Variants in TJP3 observed in about 807,000 individuals in gnomAD.
TJP3 encodes the protein tight junction protein 3.
TJP3 carries 85 observed loss-of-function variants against 104.2 expected under a neutral mutation model. The observed-to-expected ratio is 0.82, with a 90% confidence interval of 0.68 to 0.98. TJP3 has a LOEUF of 0.98. Ranked by LOEUF, TJP3 falls within the 50% of genes least tolerant of loss-of-function variation. The probability of loss-of-function intolerance (pLI) is 0.00; values close to 1 mark genes in which losing one functional copy is unlikely to be tolerated. For synonymous variants in TJP3, 550 were observed against 550.6 expected (o/e 1.00, Z 0.02); for missense variants, 1,367 against 1,322.8 (o/e 1.03, Z -0.52).
intron 14 of TJP3, among the ~76,000 whole-genome samples, chr19:3,742,550 A>G (rs2036835994): frequency 6.8e-6 from 1 of 148,004 alleles, no homozygotes; most frequent in South Asian, 2.2e-4. Context: ...GGGTGGGAAG[A>G]GCAAATTGCC....
At chr19:3,741,970 C>CA (rs1310970815) in intron 14 of TJP3, among the ~76,000 whole-genome samples, 3 of 149,950 alleles carry the variant, frequency 2.0e-5, no homozygotes, top group Admixed American at 6.7e-5. Flanking sequence ...AACTCCGTCT[C>CA]AAAAAAAACA....
chr19:3,736,827 C>T (rs983773320), intron 11 of TJP3, among the ~76,000 whole-genome samples: 14 of 149,986 alleles, frequency 9.3e-5, no homozygotes, highest in Admixed American at 4.7e-4. Context: ...CCACCTGCCT[C>T]GGCTTCCCAA....
At chr19:3,721,527 C>T (rs1053724990) in intron 1 of TJP3, 1 of 180,956 alleles carries the variant, frequency 5.5e-6, no homozygotes, top group African/African-American at 2.4e-5. Context: ...TTATTCCTGC[C>T]GGGTCTTGCT....
rs531414729 is a variant in TJP3, at chr19:3,740,485, C to T, written c.1632-67C>T. On this transcript the variant is annotated intron_variant, in intron 13 of 20. Transcript: ENST00000541714. ...TGTCCACAGGCTCCGAGGGGTAGGA[C>T]GAGGACGTCTTTGGGGCCACCATGC... 46 of 1,102,726 alleles carry T rather than the reference C, an allele frequency of 4.2e-5. No individual in the cohort carries two copies. The African/African-American group carries it at 5.0e-4, about 12-fold the overall frequency. 68.3% of individuals were successfully genotyped at this position (1,102,726 alleles called of 1,614,324 possible). A position where few individuals can be genotyped will look rare whatever the true frequency, so the allele number is the denominator to read the frequency against.
At chr19:3,740,243 A>C (rs890569501) in intron 13 of TJP3, among the ~76,000 whole-genome samples, 5 of 151,920 alleles carry the variant, frequency 3.3e-5, no homozygotes, top group African/African-American at 4.8e-5. Context: ...AAAAGTAAAT[A>C]AATAAATAAT....
chr19:3,750,500 C>CT lies in TJP3; in HGVS notation c.2658-81dup. The CT allele has an allele frequency of 1.0e-5, 13 of 1,247,076 alleles. No homozygotes were observed. In the South Asian group the frequency reaches 1.7e-4, roughly 17 times the overall value. The allele number at this position is 1,247,076 out of a possible 1,614,324, so 77.3% of individuals were successfully genotyped here. A position where few individuals can be genotyped will look rare whatever the true frequency, so the allele number is the denominator to read the frequency against. ...TTATCTCTGCCCACACCCACTGTGC[C>CT]TAGCACAGCCAGCCTCAGTTTATGG... On this transcript the variant is annotated intron_variant, in intron 20 of 20. Coordinates refer to ENST00000541714, the MANE Select transcript of TJP3 (RefSeq NM_001267560.2).
intron 6 of TJP3, among the ~76,000 whole-genome samples, chr19:3,732,299 A>C (rs994963885): frequency 1.3e-5 from 2 of 152,096 alleles, no homozygotes; most frequent in African/African-American, 4.8e-5. Flanking sequence ...TTTGATGTGC[A>C]TCAGAGACTC....
rs2036727570 is a variant in TJP3 at position 3,735,566 on chromosome 19, G to A, written c.987G>A (p.Val329=). ...SPEASQTDSP[V]ESPRLRRESS... ...TCACTCCCAATCTGTTCCCCACCAG[G>A]GAGAGTCCCCGGCTTCGGCGGGAAA... Residue 329 remains valine, a splice_region_variant and synonymous_variant, in exon 9 of 21, where the codon GTG becomes GTA. Coordinates refer to ENST00000541714, the MANE Select transcript of TJP3 (RefSeq NM_001267560.2). 6.2e-7 allele frequency: 1 copy of A among 1,614,176 alleles called. No homozygotes were observed. Among genetic ancestry groups the A allele is most frequent in the Admixed American group, 1.7e-5 (1 of 60,008 alleles).
In TJP3 at chr19:3,733,923, A is replaced by G. The variant is rs2036704094; in HGVS notation, c.877+11A>G. On this transcript the variant is annotated intron_variant, in intron 7 of 20. Coordinates refer to ENST00000541714, the MANE Select transcript of TJP3 (RefSeq NM_001267560.2). The stretch of plus-strand genomic sequence containing the variant: ...GCTCGCCATTGGAGGGTGAGGACCT[A>G]GAGGTTAGGACCTGGGAGGGGGTTG... 2 of 1,612,974 alleles carry G rather than the reference A, an allele frequency of 1.2e-6. No homozygotes were observed. The highest frequency in any genetic ancestry group is 1.7e-6 in the Non-Finnish European group (2 of 1,179,436).
intron 14 of TJP3, chr19:3,743,729 C>G (rs1200145252): frequency 9.3e-6 from 5 of 535,002 alleles, no homozygotes; most frequent in Non-Finnish European, 1.7e-5. Flanking sequence ...ATGTACACAT[C>G]AATTCTGCTA....
chr19:3,722,929 C>G (rs1190395956), intron 1 of TJP3, among the ~76,000 whole-genome samples: 5 of 131,800 alleles, frequency 3.8e-5, no homozygotes, highest in African/African-American at 1.4e-4. Flanking sequence ...GTACCGGCCC[C>G]GTCCCCTCTG....
intron 3 of TJP3, among the ~76,000 whole-genome samples, chr19:3,729,567 G>T (rs2036641719): frequency 6.6e-6 from 1 of 151,990 alleles, no homozygotes; most frequent in Non-Finnish European, 1.5e-5. Flanking sequence ...GATTACCTGA[G>T]GTCAGGAGTT....
intron 1 of TJP3, among the ~76,000 whole-genome samples, chr19:3,709,830 G>A (rs979054149): frequency 6.6e-6 from 1 of 152,004 alleles, no homozygotes; most frequent in Non-Finnish European, 1.5e-5. Context: ...CTTCTCTCCG[G>A]GCCTCTGTTT....
chr19:3,741,537 G>C (rs1266304880), intron 14 of TJP3, among the ~76,000 whole-genome samples: 1 of 145,570 alleles, frequency 6.9e-6, no homozygotes, highest in Non-Finnish European at 1.5e-5. Flanking sequence ...TGAGGCAGGA[G>C]AATCACTTGA....
intron 3 of TJP3, among the ~76,000 whole-genome samples, chr19:3,729,338 T>TCAGCC (rs1268621026): frequency 6.6e-6 from 1 of 152,068 alleles, no homozygotes; most frequent in African/African-American, 2.4e-5. Flanking sequence ...GTGATATGGC[T>TCAGCC]CAGCCCAGCC....
rs1395963485 is a variant in TJP3, at chr19:3,711,150, C to G, written c.-10+2589C>G. Among the ~76,000 whole-genome samples the G allele has an allele frequency of 3.1e-5, 2 of 64,722 alleles. 1 individual carries two copies. Among genetic ancestry groups the G allele is most frequent in the Non-Finnish European group, 6.1e-5 (2 of 32,654 alleles). The allele number at this position is 64,722 out of a possible 152,430, so 42.5% of individuals were successfully genotyped here. A position where few individuals can be genotyped will look rare whatever the true frequency, so the allele number is the denominator to read the frequency against. ...TCCTGACCTTGTGATCCGCCCACCT[C>G]AGCCTCCCAAAGTGCTGGGATTACA... On this transcript the variant is annotated intron_variant, in intron 1 of 20. Coordinates refer to ENST00000541714, the MANE Select transcript of TJP3 (RefSeq NM_001267560.2).
chr19:3,726,465 G>A (rs1449797744), intron 1 of TJP3, among the ~76,000 whole-genome samples: 1 of 152,170 alleles, frequency 6.6e-6, no homozygotes. Context: ...TGGGCATGGT[G>A]GTAGACACCT....
intron 14 of TJP3, chr19:3,743,707 C>T (rs767100379): frequency 8.7e-5 from 40 of 457,326 alleles, no homozygotes; most frequent in Non-Finnish European, 1.4e-4. Context: ...CCCTTGAAGG[C>T]GGAACCCAGA....
In TJP3 at chr19:3,735,842, G is replaced by A. The variant is rs2036731276; in HGVS notation, c.1061-27G>A. On this transcript the variant is annotated intron_variant, in intron 9 of 20. Transcript: ENST00000541714. Reference sequence around the variant, plus strand: ...AGGCTGGACTGAGCCAGTGTGCTTGGGAAAGAGACTGGCTTTTCCCTTTCA... The same window carrying A: ...AGGCTGGACTGAGCCAGTGTGCTTGAGAAAGAGACTGGCTTTTCCCTTTCA... 8.1e-6 allele frequency: 13 copies of A among 1,613,672 alleles called. No individual in the cohort carries two copies. In the East Asian group the frequency reaches 2.7e-4, roughly 33 times the overall value.
Sources: allele counts gnomAD v4.1 joint callset (sites outside exome capture counted in the v4.1 genomes callset), GRCh38; gene constraint gnomAD v4.1.1; transcripts MANE v1.5; gene names NCBI Gene and HGNC (gene_info 2026-07-23, HGNC 2026-07-21).